The following PPFIBP1 variants were observed in gnomAD, a reference collection of about 807,000 sequenced individuals.
PPFIBP1 encodes the protein liprin-beta-1.
PPFIBP1 carries 112 observed loss-of-function variants against 137.8 expected under a neutral mutation model. The observed-to-expected ratio is 0.81, with a 90% CI of 0.70 to 0.95. The LOEUF (loss-of-function observed/expected upper bound fraction) is 0.95, where lower values mean the gene tolerates loss of function less well. Ranked by LOEUF, PPFIBP1 falls within the 40% of genes least tolerant of loss-of-function variation. The pLI is 0.00. For missense variants in PPFIBP1, 1,083 were observed against 1,196.6 expected, an observed-to-expected ratio of 0.91 and a Z score of 1.40; for synonymous variants, 378 against 417.3, an observed-to-expected ratio of 0.91 and a Z score of 1.15.
chr12:27,556,215 A>G (rs141713105), intron 1 of PPFIBP1, among the ~76,000 whole-genome samples: 180 of 152,304 alleles, frequency 1.2e-3, no homozygotes, highest in Non-Finnish European at 2.0e-3. Context: ...TGCCATATAG[A>G]TGGCTAATAA....
At chr12:27,672,728 G>A (rs1227183289) in intron 15 of PPFIBP1, among the ~76,000 whole-genome samples, 1 of 152,118 alleles carries the variant, frequency 6.6e-6, no homozygotes, top group Non-Finnish European at 1.5e-5. Context: ...GGTTTTGCAG[G>A]TCTCTAGCCT....
At position 27,667,202 on chromosome 12, in the gene PPFIBP1, G is replaced by A; in HGVS notation, c.1028G>A (p.Ser343Asn). Residue 343 changes from serine to asparagine, a missense_variant, in exon 13 of 30, where the codon AGT (serine) becomes AAT (asparagine). By Grantham distance (46) the Ser-to-Asn change is conservative. Coordinates refer to ENST00000228425, the MANE Select transcript of PPFIBP1 (RefSeq NM_003622.4). ...GAATATGAAGAGCTGCTCAATTCCAGTTCCATCTCCTCTTTGCTGGATGCA... is the reference window on the plus strand; with the variant it reads ...GAATATGAAGAGCTGCTCAATTCCAATTCCATCTCCTCTTTGCTGGATGCA... ...DGEYEELLNS[S>N]SISSLLDAQG... The A allele has an allele frequency of 1.2e-6, 2 of 1,611,390 alleles. No homozygotes were observed. The highest frequency in any genetic ancestry group is 2.2e-5 in the East Asian group (1 of 44,822).
At chr12:27,626,017 C>T (rs1227518885) in intron 2 of PPFIBP1, among the ~76,000 whole-genome samples, 1 of 152,108 alleles carries the variant, frequency 6.6e-6, no homozygotes, top group African/African-American at 2.4e-5. Flanking sequence ...TAGATATCGC[C>T]CCTGCTGCCA....
At chr12:27,549,763 T>G (rs896336865) in intron 1 of PPFIBP1, among the ~76,000 whole-genome samples, 7 of 152,172 alleles carry the variant, frequency 4.6e-5, no homozygotes, top group African/African-American at 1.4e-4. Context: ...GGAAAGCTAC[T>G]GAACCACTCA....
intron 24 of PPFIBP1, among the ~76,000 whole-genome samples, chr12:27,686,788 G>A (rs2061228597): frequency 6.6e-6 from 1 of 152,074 alleles, no homozygotes; most frequent in Non-Finnish European, 1.5e-5. Context: ...TGTAATCCCA[G>A]CTTTTTGGGC....
intron 5 of PPFIBP1, 70 bp downstream of exon 5, chr12:27,646,218 A>G: frequency 8.1e-7 from 1 of 1,228,498 alleles, no homozygotes; most frequent in Non-Finnish European, 1.2e-6. Context: ...GGGGTGGCAA[A>G]TTCAGATTGC....
At chr12:27,637,861 T>C (rs1261052987) in intron 4 of PPFIBP1, among the ~76,000 whole-genome samples, 2 of 152,226 alleles carry the variant, frequency 1.3e-5, no homozygotes, top group Non-Finnish European at 2.9e-5. Flanking sequence ...TTGCTGATAA[T>C]ATTAAATTTT....
chr12:27,597,052 G>A lies in PPFIBP1; in HGVS notation c.-36+18813G>A, dbSNP rs61915341. Among the ~76,000 whole-genome samples, 921 of 152,318 alleles carry A rather than the reference G, an allele frequency of 6.0e-3. 5 individuals are homozygous for A. The highest frequency in any genetic ancestry group is 9.8e-3 in the Non-Finnish European group (667 of 68,032). On this transcript the variant is annotated intron_variant, in intron 2 of 29. Coordinates refer to ENST00000228425, the MANE Select transcript of PPFIBP1 (RefSeq NM_003622.4). ...GTTCTGGTTTCTTGGAAGAAAATCCGTTGAGGGGAACCGCATGTTCTAAAA... is the reference window on the plus strand; with the variant it reads ...GTTCTGGTTTCTTGGAAGAAAATCCATTGAGGGGAACCGCATGTTCTAAAA...
intron 1 of PPFIBP1, among the ~76,000 whole-genome samples, chr12:27,531,447 C>T (rs1944408335): frequency 6.8e-6 from 1 of 147,452 alleles, no homozygotes. Flanking sequence ...TCCCCACCAG[C>T]ATGAGCAGCT....
intron 24 of PPFIBP1, among the ~76,000 whole-genome samples, chr12:27,683,071 T>C (rs2060976084): frequency 6.6e-6 from 1 of 152,200 alleles, no homozygotes; most frequent in Non-Finnish European, 1.5e-5. Context: ...TTTTTTTGTA[T>C]TATTTCTTTT....
At chr12:27,692,025 C>A in intron 28 of PPFIBP1, 97 bp downstream of exon 28, 1 of 1,058,500 alleles carries the variant, frequency 9.4e-7, no homozygotes, top group Non-Finnish European at 1.4e-6. Context: ...ACATTTTCTT[C>A]AAATAACTAA....
chr12:27,682,061 G>A (rs1017783245), intron 22 of PPFIBP1, among the ~76,000 whole-genome samples: 16 of 147,320 alleles, frequency 1.1e-4, no homozygotes, highest in African/African-American at 3.0e-4. Flanking sequence ...CCTACAATTT[G>A]TGTCTAATTA....
At chr12:27,616,466 C>T (rs1238109063) in intron 2 of PPFIBP1, among the ~76,000 whole-genome samples, 1 of 152,086 alleles carries the variant, frequency 6.6e-6, no homozygotes, top group Non-Finnish European at 1.5e-5. Context: ...TGTGACTACT[C>T]ATTCCAAGGG....
At chr12:27,659,967 A>ATT (rs141273840) in intron 10 of PPFIBP1, among the ~76,000 whole-genome samples, 1 of 149,392 alleles carries the variant, frequency 6.7e-6, no homozygotes, top group African/African-American at 2.5e-5. Flanking sequence ...ATCTTCAGTA[A>ATT]TTTTTTTTTT....
intron 2 of PPFIBP1, 75 bp downstream of exon 2, chr12:27,578,314 A>T (rs1359246292): frequency 6.6e-6 from 1 of 152,042 alleles, no homozygotes; most frequent in East Asian, 1.9e-4. Context: ...GTGTGTGTGA[A>T]TTTTTTTCCA....
intron 2 of PPFIBP1, among the ~76,000 whole-genome samples, chr12:27,596,604 C>G (rs1035164812): frequency 4.6e-5 from 7 of 152,170 alleles, no homozygotes; most frequent in Non-Finnish European, 7.3e-5. Flanking sequence ...TCACTGCAGC[C>G]TCAAACTCCT....
Position 27,660,823 on chromosome 12 carries a change from A to G in PPFIBP1, c.845-61A>G, listed in dbSNP as rs138338308. 5.3e-4 allele frequency: 827 copies of G among 1,571,336 alleles called. 2 individuals carry two copies. Among genetic ancestry groups the G allele is most frequent in the Middle Eastern group, 2.3e-3 (12 of 5,284 alleles). ...AAATATTTCAGTCTGGAGAGTAAAT[A>G]ACTTCTTATCACTGTCACACATGTG... On this transcript the variant is annotated intron_variant, in intron 10 of 29. Transcript: ENST00000228425.
chr12:27,681,293 T>C (rs1222678964), intron 21 of PPFIBP1, among the ~76,000 whole-genome samples: 1 of 152,226 alleles, frequency 6.6e-6, no homozygotes, highest in Non-Finnish European at 1.5e-5. Flanking sequence ...ATTTGGTCTT[T>C]TTCTGTAGCA....
intron 2 of PPFIBP1, among the ~76,000 whole-genome samples, chr12:27,628,416 C>T (rs1024252191): frequency 1.3e-5 from 2 of 152,108 alleles, no homozygotes; most frequent in African/African-American, 4.8e-5. Flanking sequence ...TGGGCTCTAG[C>T]GACCCTCCTG....
Sources: allele counts gnomAD v4.1 joint callset (sites outside exome capture counted in the v4.1 genomes callset), GRCh38; gene constraint gnomAD v4.1.1; transcripts MANE v1.5; gene names NCBI Gene and HGNC (gene_info 2026-07-23, HGNC 2026-07-21).